FGD4: variants seen among roughly 807,000 people sequenced by gnomAD.
FGD4 encodes FYVE, RhoGEF and PH domain-containing protein 4.
In FGD4, 42 loss-of-function variants were observed where a neutral mutation model predicts 102.0. That is an observed-to-expected ratio of 0.41 (90% CI 0.32 to 0.53). The LOEUF (loss-of-function observed/expected upper bound fraction) is 0.53, where lower values mean the gene tolerates loss of function less well. FGD4 is among the 20% of genes least tolerant of loss of function. The probability of loss-of-function intolerance (pLI) is 0.21; values close to 1 mark genes in which losing one functional copy is unlikely to be tolerated. For synonymous variants in FGD4, 380 were observed against 375.7 expected (o/e 1.01, Z -0.13); for missense variants, 902 against 1,078.2 (o/e 0.84, Z 2.29).
At chr12:32,448,855 A>G (rs1273899867) in intron 1 of FGD4, among the ~76,000 whole-genome samples, 1 of 152,200 alleles carries the variant, frequency 6.6e-6, no homozygotes, top group Non-Finnish European at 1.5e-5. Context: ...ACCAGAAACC[A>G]TGAGACAGCT....
intron 1 of FGD4, among the ~76,000 whole-genome samples, chr12:32,426,696 G>C (rs1283218288): frequency 6.6e-6 from 1 of 152,064 alleles, no homozygotes; most frequent in Non-Finnish European, 1.5e-5. Flanking sequence ...TCTGGTCCTG[G>C]GCTTTTTTTG....
intron 1 of FGD4, among the ~76,000 whole-genome samples, chr12:32,463,529 T>C (rs1943167070): frequency 6.6e-6 from 1 of 152,206 alleles, no homozygotes; most frequent in African/African-American, 2.4e-5. Context: ...ATGCCTTCAT[T>C]TGGAGAAACA....
chr12:32,438,754 C>A (rs777003404), intron 1 of FGD4, among the ~76,000 whole-genome samples: 13 of 151,990 alleles, frequency 8.6e-5, no homozygotes, highest in African/African-American at 2.4e-4. Context: ...TATAGGAGCC[C>A]GCCACCACGC....
intron 10 of FGD4, among the ~76,000 whole-genome samples, chr12:32,613,141 C>T (rs906597862): frequency 3.9e-5 from 6 of 152,162 alleles, no homozygotes; most frequent in Admixed American, 6.5e-5. Flanking sequence ...GACTGGCATA[C>T]AGTACGTTCT....
chr12:32,611,160 G>C lies in FGD4; in HGVS notation c.1626G>C (p.Glu542Asp). The C allele has an allele frequency of 3.7e-6, 6 of 1,614,136 alleles. No individual in the cohort carries two copies. Among genetic ancestry groups the C allele is most frequent in the Non-Finnish European group, 5.1e-6 (6 of 1,180,028 alleles). The part of the protein sequence containing the change: ...RKMENLKKLL[E>D]IYEMLGEEED... ...AGGAGAACCTAAAGAAACTCTTAGA[G>C]ATTTATGAAATGTTGGGAGAAGAAG... is the stretch of plus-strand genomic sequence containing the variant. The change falls in exon 10 of 17, where the codon GAG becomes GAC. Residue 542 changes from glutamate (E) to aspartate (D), a missense_variant. Around this residue, in one of 2 missense-constraint regions of FGD4, gnomAD observed 459 missense variants for 619.0 expected, o/e 0.74. Transcript: ENST00000534526.
rs757519168 is a variant in FGD4 at position 32,502,567 on chromosome 12, T to A, written c.167-61570T>A. Among the ~76,000 whole-genome samples, 43 of 152,338 alleles carry A rather than the reference T, an allele frequency of 2.8e-4. 1 individual carries two copies. The highest frequency in any genetic ancestry group is 6.2e-4 in the South Asian group (3 of 4,832). ...TTTAAACTGTTTTCTGCTTGTGAAA[T>A]TGTTTTATGACTCCTGAAAGTGGCA... On this transcript the variant is annotated intron_variant, in intron 1 of 16. Coordinates refer to ENST00000534526, the MANE Select transcript of FGD4 (RefSeq NM_001370298.3).
At chr12:32,562,295 A>G (rs186023226) in intron 1 of FGD4, among the ~76,000 whole-genome samples, 63 of 152,234 alleles carry the variant, frequency 4.1e-4, no homozygotes, top group Non-Finnish European at 6.0e-4. Flanking sequence ...AGCACATGGA[A>G]TGAGATAGTT....
chr12:32,478,468 G>A (rs1943641126), intron 1 of FGD4, among the ~76,000 whole-genome samples: 2 of 152,196 alleles, frequency 1.3e-5, no homozygotes, highest in Admixed American at 1.3e-4. Flanking sequence ...GTTTCACCAT[G>A]TTGGCCAAGC....
In FGD4 at chr12:32,564,218, C is replaced by A; in HGVS notation, c.248C>A (p.Ser83Tyr). The change falls in exon 2 of 17, where the codon TCT (serine) becomes TAT (tyrosine). Residue 83 changes from serine (S) to tyrosine (Y), a missense_variant. This residue lies in a region of FGD4 where 443 missense variants were observed against 459.2 expected (regional missense o/e 0.96). Transcript: ENST00000534526. ...ACCACACTGGTTGGTGAGAATGTAT[C>A]TGAAGAAGAGGCTCAGGGAATAAAT... ...STTTLVGENV[S>Y]EEEAQGINGN... The A allele has an allele frequency of 6.5e-7, 1 of 1,536,110 alleles. No individual in the cohort carries two copies. The highest frequency in any genetic ancestry group is 1.4e-5 in the African/African-American group (1 of 73,172).
chr12:32,598,500 A>G lies in FGD4; in HGVS notation c.1015A>G (p.Thr339Ala). 1 of 1,610,978 alleles carries G rather than the reference A, an allele frequency of 6.2e-7. No individual in the cohort carries two copies. ...QLDQHHEMKE[T>A]NEQKLHKIAN... ...TGAATATCTTTCCAATTTTTAGGAG[A>G]CTAATGAGCAAAAACTTCACAAAAT... is the stretch of plus-strand genomic sequence containing the variant. The change falls in exon 5 of 17, where the codon ACT becomes GCT. Residue 339 changes from threonine to alanine, a missense_variant. Transcript: ENST00000534526.
At chr12:32,473,225 GC>G (rs1454234947) in intron 1 of FGD4, among the ~76,000 whole-genome samples, 2 of 152,070 alleles carry the variant, frequency 1.3e-5, no homozygotes, top group Non-Finnish European at 1.5e-5. Flanking sequence ...AAAGCAGGCT[GC>G]CCGAGCCAGC....
At chr12:32,606,246 G>C (rs74237196) in intron 7 of FGD4, among the ~76,000 whole-genome samples, 1 of 151,530 alleles carries the variant, frequency 6.6e-6, no homozygotes, top group African/African-American at 2.4e-5. Flanking sequence ...CCAATTTCAG[G>C]CCCTTATTAT....
intron 1 of FGD4, among the ~76,000 whole-genome samples, chr12:32,553,776 T>TA (rs1943885510): frequency 6.6e-6 from 1 of 152,220 alleles, no homozygotes; most frequent in African/African-American, 2.4e-5. Context: ...ATAATGCATA[T>TA]AAGTTAGTGA....
At chr12:32,552,835 T>C (rs2136202912) in intron 1 of FGD4, among the ~76,000 whole-genome samples, 1 of 150,924 alleles carries the variant, frequency 6.6e-6, no homozygotes, top group East Asian at 2.0e-4. Flanking sequence ...TGGAGTGCAA[T>C]GGCGCGATCT....
rs397796289 is a variant in FGD4, at chr12:32,539,576, GA to G, written c.167-24549del. Among the ~76,000 whole-genome samples, 1,140 of 140,572 alleles carry G rather than the reference GA, an allele frequency of 8.1e-3. 6 individuals are homozygous for G. The highest frequency in any genetic ancestry group is 0.019 in the African/African-American group (726 of 38,502). The allele number at this position is 140,572 out of a possible 152,430, so 92.2% of individuals were successfully genotyped here. ...AAGAGCGAAACTCTGTCTCAGGGGG[GA>G]AAAAAAAAAAAGCCAGTACATGAAT... On this transcript the variant is annotated intron_variant, in intron 1 of 16. Transcript: ENST00000534526.
chr12:32,528,611 G>C (rs1272190106), intron 1 of FGD4, among the ~76,000 whole-genome samples: 1 of 152,010 alleles, frequency 6.6e-6, no homozygotes, highest in Non-Finnish European at 1.5e-5. Flanking sequence ...TGCTGTTCTC[G>C]AACTCCTGAC....
At chr12:32,613,346 T>C (rs1360155780) in intron 10 of FGD4, among the ~76,000 whole-genome samples, 1 of 152,202 alleles carries the variant, frequency 6.6e-6, no homozygotes, top group African/African-American at 2.4e-5. Flanking sequence ...AAATGCATGT[T>C]ATGAAAAAAC....
chr12:32,456,807 G>A (rs969779501), intron 1 of FGD4, among the ~76,000 whole-genome samples: 1 of 152,248 alleles, frequency 6.6e-6, no homozygotes, highest in Non-Finnish European at 1.5e-5. Flanking sequence ...ACAAAAAGAT[G>A]CAGTCCTTTT....
At chr12:32,496,291 T>A (rs903864543) in intron 1 of FGD4, among the ~76,000 whole-genome samples, 14 of 152,200 alleles carry the variant, frequency 9.2e-5, no homozygotes, top group African/African-American at 3.1e-4. Context: ...TTATCATAGT[T>A]TTTATTCTGG....
Sources: gnomAD v4.1 joint callset for allele counts (sites outside exome capture counted in the v4.1 genomes callset) on GRCh38, gnomAD v4.1.1 for gene constraint, gnomAD v4.1.1 regional missense constraint, MANE v1.5 for transcripts, NCBI Gene and HGNC (gene_info 2026-07-23, HGNC 2026-07-21) for gene names.